The following MBD5 variants were observed in gnomAD, a reference collection of about 807,000 sequenced individuals.
MBD5 encodes methyl-CpG binding domain protein 5, also known as methyl-CpG-binding domain protein 5.
Under a neutral mutation model 117.3 loss-of-function variants are expected in MBD5, and 13 were observed. That is an observed-to-expected ratio of 0.11 (90% CI 0.07 to 0.18). MBD5 has a LOEUF of 0.18. Among genes scored for constraint, MBD5 ranks in the 10% least tolerant of loss-of-function variants. The pLI, the probability that MBD5 is intolerant of heterozygous loss-of-function variation, is 1.00. For missense variants in MBD5, 1,879 were observed against 2,093.8 expected, an observed-to-expected ratio of 0.90 and a Z score of 2.00; for synonymous variants, 727 against 766.4, an observed-to-expected ratio of 0.95 and a Z score of 0.85.
In MBD5 at chr2:148,406,091, A is replaced by G. The variant is rs567513431; in HGVS notation, c.-556-52112A>G. On this transcript the variant is annotated intron_variant, in intron 4 of 13. Transcript: ENST00000642680. ...ATTCCTGTAATCCCAGCTACTCCAG[A>G]GGCTGAGGTGGGACAATCACTTGAG... is the stretch of plus-strand genomic sequence containing the variant. Among the ~76,000 whole-genome samples the G allele has an allele frequency of 2.6e-5, 4 of 152,280 alleles. No individual in the cohort carries two copies. In the South Asian group the frequency reaches 6.2e-4, roughly 24 times the overall value.
chr2:148,134,813 C>T (rs932055401), intron 1 of MBD5, among the ~76,000 whole-genome samples: 1 of 152,162 alleles, frequency 6.6e-6, no homozygotes, highest in South Asian at 2.1e-4. Flanking sequence ...TTAGTTTTAA[C>T]GTATATATTG....
intron 4 of MBD5, among the ~76,000 whole-genome samples, chr2:148,355,967 C>T (rs1703370919): frequency 6.6e-6 from 1 of 152,086 alleles, no homozygotes; most frequent in African/African-American, 2.4e-5. Flanking sequence ...GAATGTTTTT[C>T]CATTTGTTTG....
At chr2:148,152,995 G>T (rs1474986258) in intron 1 of MBD5, among the ~76,000 whole-genome samples, 1 of 151,228 alleles carries the variant, frequency 6.6e-6, no homozygotes, top group Non-Finnish European at 1.5e-5. Flanking sequence ...ATGTTAGCTG[G>T]TTATTTTGCT....
chr2:148,474,284 A>G (rs1680887608), intron 8 of MBD5, among the ~76,000 whole-genome samples: 1 of 152,172 alleles, frequency 6.6e-6, no homozygotes, highest in Admixed American at 6.6e-5. Flanking sequence ...CCAGATAACA[A>G]AAACACATGC....
At chr2:148,105,062 C>T (rs966574891) in intron 1 of MBD5, among the ~76,000 whole-genome samples, 5 of 151,932 alleles carry the variant, frequency 3.3e-5, no homozygotes, top group Admixed American at 6.6e-5. Flanking sequence ...TTTTCTATTT[C>T]GTCTTGAGTC....
intron 2 of MBD5, among the ~76,000 whole-genome samples, chr2:148,212,781 T>G (rs1699458180): frequency 6.6e-6 from 1 of 152,198 alleles, no homozygotes; most frequent in Non-Finnish European, 1.5e-5. Flanking sequence ...AGCATATTCA[T>G]TTTTTCTAGG....
chr2:148,292,340 A>G (rs547582934), intron 3 of MBD5, among the ~76,000 whole-genome samples: 13 of 152,258 alleles, frequency 8.5e-5, no homozygotes, highest in Non-Finnish European at 1.8e-4. Context: ...AATAACCAGA[A>G]TATGTAAGGA....
chr2:148,364,854 G>A (rs1198876825), intron 4 of MBD5, among the ~76,000 whole-genome samples: 1 of 152,154 alleles, frequency 6.6e-6, no homozygotes, highest in East Asian at 1.9e-4. Flanking sequence ...AGTTCTTAGA[G>A]ACCCACAAAG....
At chr2:148,043,988 T>G (rs1286262965) in intron 1 of MBD5, among the ~76,000 whole-genome samples, 2 of 152,186 alleles carry the variant, frequency 1.3e-5, no homozygotes. Context: ...GTGTAAATTT[T>G]GGGGAAGCAT....
chr2:148,484,266 A>C, intron 9 of MBD5, 131 bp downstream of exon 9: 1 of 737,564 alleles, frequency 1.4e-6, no homozygotes, highest in South Asian at 2.1e-5. Context: ...TTGCTTAAGG[A>C]ACTAAATATA....
intron 3 of MBD5, among the ~76,000 whole-genome samples, chr2:148,325,467 G>C (rs1275158404): frequency 6.6e-6 from 1 of 152,122 alleles, no homozygotes; most frequent in Admixed American, 6.5e-5. Flanking sequence ...TCTGGTCCTG[G>C]ACTCTTTTTC....
rs16828708 is a variant in MBD5, at chr2:148,513,141, A to G, written c.*200A>G. ...TAATGAATGCTGGAAAAGCCAATCA[A>G]AGTCTCTGTGTGATGAGAGTGATCA... On this transcript the variant is annotated 3_prime_UTR_variant, in exon 14 of 14. Transcript: ENST00000642680. The G allele has an allele frequency of 0.32, 187,236 of 586,862 alleles. 36,365 individuals are homozygous for G. The highest frequency in any genetic ancestry group is 0.79 in the East Asian group (27,242 of 34,552). 36.4% of individuals were successfully genotyped at this position (586,862 alleles called of 1,614,324 possible). A position where few individuals can be genotyped will look rare whatever the true frequency, so the allele number is the denominator to read the frequency against.
intron 3 of MBD5, among the ~76,000 whole-genome samples, chr2:148,270,888 A>G (rs1487672166): frequency 6.6e-6 from 1 of 151,902 alleles, no homozygotes; most frequent in Non-Finnish European, 1.5e-5. Flanking sequence ...TTCTTTCTGA[A>G]ATTTTTTAAT....
chr2:148,397,837 G>A (rs1470702523), intron 4 of MBD5, among the ~76,000 whole-genome samples: 1 of 145,246 alleles, frequency 6.9e-6, no homozygotes, highest in East Asian at 2.1e-4. Flanking sequence ...AGTGTGTGAT[G>A]TTCCCCTTCC....
At chr2:148,422,960 A>G (rs1433519546) in intron 4 of MBD5, among the ~76,000 whole-genome samples, 1 of 152,166 alleles carries the variant, frequency 6.6e-6, no homozygotes, top group African/African-American at 2.4e-5. Context: ...CTTGATTAGC[A>G]TACCTGAAAG....
intron 3 of MBD5, among the ~76,000 whole-genome samples, chr2:148,257,464 A>G (rs1700617821): frequency 6.6e-6 from 1 of 152,190 alleles, no homozygotes; most frequent in Non-Finnish European, 1.5e-5. Flanking sequence ...AATCTCATCA[A>G]CGATAGCCTC....
intron 1 of MBD5, among the ~76,000 whole-genome samples, chr2:148,023,280 T>TA (rs1395003140): frequency 6.6e-6 from 1 of 152,170 alleles, no homozygotes; most frequent in Non-Finnish European, 1.5e-5. Context: ...GACATGATAA[T>TA]ACTTCTAATT....
chr2:148,197,276 G>A (rs1699012438), intron 2 of MBD5, among the ~76,000 whole-genome samples: 1 of 152,186 alleles, frequency 6.6e-6, no homozygotes, highest in South Asian at 2.1e-4. Context: ...GATGGAGCAA[G>A]TTTTCAGACG....
Position 148,418,969 on chromosome 2 carries a change from A to C in MBD5, c.-556-39234A>C, listed in dbSNP as rs548946894. On this transcript the variant is annotated intron_variant, in intron 4 of 13. Coordinates refer to ENST00000642680, the MANE Select transcript of MBD5 (RefSeq NM_001378120.1). ...TGGAGGCATCACATTACCTGACTTCAAATTATGCCATTATACAAGGCTATA... is the reference window on the plus strand; with the variant it reads ...TGGAGGCATCACATTACCTGACTTCCAATTATGCCATTATACAAGGCTATA... Among the ~76,000 whole-genome samples, 13 of 152,320 alleles carry C rather than the reference A, an allele frequency of 8.5e-5. No homozygotes were observed. The South Asian group carries it at 2.7e-3, about 32-fold the overall frequency.
Sources: allele counts gnomAD v4.1 joint callset (sites outside exome capture counted in the v4.1 genomes callset), GRCh38; gene constraint gnomAD v4.1.1; transcripts MANE v1.5; gene names NCBI Gene and HGNC (gene_info 2026-07-23, HGNC 2026-07-21).